Variants in MBD5 observed in about 807,000 individuals in gnomAD.
MBD5 encodes the protein methyl-CpG binding domain protein 5.
A neutral mutation model predicts 117.3 loss-of-function variants in MBD5; 13 were observed. The observed-to-expected ratio is 0.11, with a 90% CI of 0.07 to 0.18. MBD5 has a LOEUF of 0.18. Ranked by LOEUF, MBD5 falls within the 10% of genes least tolerant of loss-of-function variation. The probability of loss-of-function intolerance (pLI) is 1.00; values close to 1 mark genes in which losing one functional copy is unlikely to be tolerated. For missense variants in MBD5, 1,879 were observed against 2,093.8 expected, an observed-to-expected ratio of 0.90 and a Z score of 2.00; for synonymous variants, 727 against 766.4, an observed-to-expected ratio of 0.95 and a Z score of 0.85.
chr2:148,130,716 C>A (rs528009816), intron 1 of MBD5, among the ~76,000 whole-genome samples: 3 of 152,196 alleles, frequency 2.0e-5, no homozygotes, highest in Admixed American at 2.0e-4. Context: ...TATGAGTCAC[C>A]AATCAAAAGT....
intron 3 of MBD5, among the ~76,000 whole-genome samples, chr2:148,331,519 G>C (rs1702655596): frequency 6.6e-6 from 1 of 152,086 alleles, no homozygotes; most frequent in South Asian, 2.1e-4. Flanking sequence ...TGTGTATTTA[G>C]ATATTGAGTA....
intron 2 of MBD5, among the ~76,000 whole-genome samples, chr2:148,202,678 A>C (rs1699173653): frequency 6.6e-6 from 1 of 152,196 alleles, no homozygotes; most frequent in African/African-American, 2.4e-5. Flanking sequence ...TCTTTGGAAC[A>C]TATATTGGAT....
intron 4 of MBD5, among the ~76,000 whole-genome samples, chr2:148,386,400 G>A (rs2105484887): frequency 6.6e-6 from 1 of 152,266 alleles, no homozygotes; most frequent in South Asian, 2.1e-4. Flanking sequence ...ACATCTCTGT[G>A]AGTAGACATT....
intron 3 of MBD5, among the ~76,000 whole-genome samples, chr2:148,317,291 C>T (rs1389792554): frequency 6.6e-6 from 1 of 152,084 alleles, no homozygotes; most frequent in East Asian, 1.9e-4. Flanking sequence ...ATCACTTGAA[C>T]CCGAGAGGCA....
At chr2:148,293,831 G>C (rs991209343) in intron 3 of MBD5, among the ~76,000 whole-genome samples, 1 of 152,092 alleles carries the variant, frequency 6.6e-6, no homozygotes, top group African/African-American at 2.4e-5. Flanking sequence ...AAAATGAAGA[G>C]GTGTTAGATT....
intron 2 of MBD5, among the ~76,000 whole-genome samples, chr2:148,227,949 C>T (rs1301691006): frequency 2.0e-5 from 3 of 152,120 alleles, no homozygotes; most frequent in East Asian, 1.9e-4. Flanking sequence ...GTGATTTTTG[C>T]ACATTGACTT....
chr2:148,181,966 A>C (rs925706084), intron 2 of MBD5, among the ~76,000 whole-genome samples: 1 of 152,148 alleles, frequency 6.6e-6, no homozygotes, highest in African/African-American at 2.4e-5. Context: ...TTTGAAATAG[A>C]TTATTATAAT....
rs1680665568 is a variant in MBD5, at chr2:148,468,473, C to T, written c.530C>T (p.Ala177Val). Residue 177 changes from alanine to valine, a missense_variant, in exon 8 of 14, where the codon GCC becomes GTC. Physicochemically the swap from Ala to Val is moderately conservative, Grantham distance 64 (BLOSUM62 0). Coordinates refer to ENST00000642680, the MANE Select transcript of MBD5 (RefSeq NM_001378120.1). ...AAGTTAATGATTGGATCATCAAATG[C>T]CATGGGAAGGCTATATGTACAAGAA... The part of the protein sequence containing the change: ...PFKLMIGSSN[A>V]MGRLYVQELP... The T allele has an allele frequency of 1.2e-6, 2 of 1,613,690 alleles. No individual in the cohort carries two copies. Among genetic ancestry groups the T allele is most frequent in the South Asian group, 2.2e-5 (2 of 91,084 alleles).
intron 2 of MBD5, among the ~76,000 whole-genome samples, chr2:148,217,127 C>T (rs1241231679): frequency 6.6e-6 from 1 of 152,130 alleles, no homozygotes; most frequent in Non-Finnish European, 1.5e-5. Context: ...AAGAAAAGAA[C>T]TAGGGTGGAC....
At chr2:148,330,992 G>T (rs189250163) in intron 3 of MBD5, among the ~76,000 whole-genome samples, 44 of 152,252 alleles carry the variant, frequency 2.9e-4, no homozygotes, top group Admixed American at 2.8e-3. Context: ...GCCAGGATTT[G>T]AATCTAATCT....
intron 4 of MBD5, among the ~76,000 whole-genome samples, chr2:148,449,088 G>A (rs182099143): frequency 7.9e-5 from 12 of 152,130 alleles, no homozygotes; most frequent in Admixed American, 3.9e-4. Context: ...GGTATAACTC[G>A]TTGCTATTCT....
intron 1 of MBD5, chr2:148,027,474 A>G (rs1179454233): frequency 6.6e-6 from 1 of 152,058 alleles, no homozygotes; most frequent in African/African-American, 2.4e-5. Flanking sequence ...AAGTAAATAC[A>G]TGTTCATATT....
At chr2:148,508,801 G>A (rs1006682083) in intron 12 of MBD5, among the ~76,000 whole-genome samples, 1 of 151,942 alleles carries the variant, frequency 6.6e-6, no homozygotes, top group Non-Finnish European at 1.5e-5. Context: ...GGACCATCTG[G>A]GCCACCTTTG....
At chr2:148,280,476 G>A (rs866663931) in intron 3 of MBD5, among the ~76,000 whole-genome samples, 1 of 152,072 alleles carries the variant, frequency 6.6e-6, no homozygotes. Flanking sequence ...CTGTCACCCA[G>A]GCTGAAGTGC....
intron 1 of MBD5, among the ~76,000 whole-genome samples, chr2:148,048,443 G>A (rs1694597153): frequency 6.6e-6 from 1 of 152,162 alleles, no homozygotes; most frequent in African/African-American, 2.4e-5. Flanking sequence ...TACCTATGTT[G>A]AAAATCAACA....
chr2:148,390,193 A>G (rs1481873590), intron 4 of MBD5, among the ~76,000 whole-genome samples: 1 of 151,816 alleles, frequency 6.6e-6, no homozygotes, highest in African/African-American at 2.4e-5. Context: ...TCCCTGTTGC[A>G]TATTTTTGTT....
intron 4 of MBD5, among the ~76,000 whole-genome samples, chr2:148,435,648 C>T (rs1216525460): frequency 6.6e-6 from 1 of 152,054 alleles, no homozygotes; most frequent in East Asian, 1.9e-4. Context: ...AGGTGACCTG[C>T]CCCTTACCTC....
At chr2:148,314,952 ATGTT>A (rs1574275641) in intron 3 of MBD5, among the ~76,000 whole-genome samples, 1 of 152,140 alleles carries the variant, frequency 6.6e-6, no homozygotes, top group African/African-American at 2.4e-5. Context: ...TGTAACAACT[ATGTT>A]TGTATTGTTC....
intron 1 of MBD5, among the ~76,000 whole-genome samples, chr2:148,125,315 A>G (rs983060582): frequency 3.3e-5 from 5 of 152,024 alleles, no homozygotes; most frequent in Admixed American, 2.0e-4. Context: ...GCTTTTTACT[A>G]TTACCAAAAA....
Sources: gnomAD v4.1 joint callset for allele counts (sites outside exome capture counted in the v4.1 genomes callset) on GRCh38, gnomAD v4.1.1 for gene constraint, MANE v1.5 for transcripts, NCBI Gene and HGNC (gene_info 2026-07-23, HGNC 2026-07-21) for gene names.